The following CFAP251 variants were observed in gnomAD, a reference collection of about 807,000 sequenced individuals.
CFAP251 encodes cilia- and flagella-associated protein 251.
In CFAP251, 93 loss-of-function variants were observed where a neutral mutation model predicts 126.7. The observed-to-expected ratio is 0.73, with a 90% CI of 0.62 to 0.87. CFAP251 has a LOEUF of 0.87. CFAP251 is among the 40% of genes least tolerant of loss of function. The probability of loss-of-function intolerance (pLI) is 0.00; values close to 1 mark genes in which losing one functional copy is unlikely to be tolerated. For missense variants in CFAP251, 1,287 were observed against 1,389.2 expected, an observed-to-expected ratio of 0.93 and a Z score of 1.17; for synonymous variants, 503 against 506.9, an observed-to-expected ratio of 0.99 and a Z score of 0.10.
rs1357200983 is a variant in CFAP251 at position 121,921,310 on chromosome 12, C to T, written c.5C>T (p.Ser2Leu). Residue 2 changes from serine (S) to leucine (L), a missense_variant, in exon 2 of 22, where the codon TCA (serine) becomes TTA (leucine). Transcript: ENST00000288912. ...GAGGAAACTCTACAGAGAAGAATGTCAGATGCAGCAGAAGCTCCCCGAGAA... is the reference window on the plus strand; with the variant it reads ...GAGGAAACTCTACAGAGAAGAATGTTAGATGCAGCAGAAGCTCCCCGAGAA... M[S>L]DAAEAPREAT... 6.3e-7 allele frequency: 1 copy of T among 1,582,924 alleles called. No individual in the cohort carries two copies. The highest frequency in any genetic ancestry group is 8.5e-7 in the Non-Finnish European group (1 of 1,169,610).
At chr12:121,957,520 T>C (rs771970625) in intron 11 of CFAP251, among the ~76,000 whole-genome samples, 16 of 151,832 alleles carry the variant, frequency 1.1e-4, no homozygotes, top group East Asian at 3.9e-4. Context: ...CTGGCTAACA[T>C]GGTGAAACCC....
chr12:121,969,651 A>T, intron 17 of CFAP251: 1 of 806,282 alleles, frequency 1.2e-6, no homozygotes, highest in Non-Finnish European at 1.5e-6. Context: ...GTGCCTGGCT[A>T]ACTTTAAAAA....
chr12:121,968,254 G>C, intron 17 of CFAP251, 85 bp downstream of exon 17: 1 of 1,371,752 alleles, frequency 7.3e-7, no homozygotes, highest in Non-Finnish European at 9.9e-7. Flanking sequence ...CCTACTGCGT[G>C]CCAGGCACTG....
chr12:121,948,946 A>T (rs1180895149), intron 7 of CFAP251, 38 bp from the exon 8 acceptor site: 4 of 1,276,878 alleles, frequency 3.1e-6, no homozygotes, highest in Non-Finnish European at 4.4e-6. Flanking sequence ...AGAAACAGAA[A>T]ATTTATCATT....
intron 14 of CFAP251, 48 bp downstream of exon 14, chr12:121,960,806 C>G (rs762680556): frequency 1.9e-6 from 3 of 1,594,686 alleles, no homozygotes; most frequent in Non-Finnish European, 2.6e-6. Context: ...CTGTGTCTCA[C>G]TCTTGTGACA....
At chr12:121,929,319 CAAAAAAA>C (rs907807088) in intron 3 of CFAP251, among the ~76,000 whole-genome samples, 4 of 68,950 alleles carry the variant, frequency 5.8e-5, no homozygotes, top group African/African-American at 1.7e-4. Flanking sequence ...GACTCCATCT[CAAAAAAA>C]AAAAAAAAGA....
intron 9 of CFAP251, chr12:121,953,870 C>G: frequency 2.2e-6 from 1 of 455,044 alleles, no homozygotes; most frequent in Non-Finnish European, 3.9e-6. Context: ...ATTAACCACT[C>G]TCTCGTTTGC....
rs1207683048 is a variant in CFAP251, at chr12:121,962,014, C to T, written c.2344C>T (p.Leu782=). 1 of 1,613,850 alleles carries T rather than the reference C, an allele frequency of 6.2e-7. No individual in the cohort carries two copies. Among genetic ancestry groups the T allele is most frequent in the Non-Finnish European group, 8.5e-7 (1 of 1,180,024 alleles). ...YDLLRSYKDH[L]EVLDIHHTDQ... is the part of the protein sequence containing the mutation. ...TCTTCTCAGGAGCTACAAAGACCAC[C>T]TGGAAGTCCTGGACATTCACCACAC... Residue 782 remains leucine (L), a synonymous_variant, in exon 15 of 22, where the codon CTG becomes TTG. Coordinates refer to ENST00000288912, the MANE Select transcript of CFAP251 (RefSeq NM_144668.6).
At chr12:121,943,167 C>T (rs1463557674) in intron 7 of CFAP251, among the ~76,000 whole-genome samples, 192 bp downstream of exon 7, 3 of 151,920 alleles carry the variant, frequency 2.0e-5, no homozygotes, top group Non-Finnish European at 4.4e-5. Context: ...ACAAAAATTC[C>T]CTGGGTGTGG....
chr12:121,919,454 C>T (rs1337610985), intron 1 of CFAP251, among the ~76,000 whole-genome samples: 1 of 152,122 alleles, frequency 6.6e-6, no homozygotes, highest in Non-Finnish European at 1.5e-5. Context: ...GCTTTTCTCT[C>T]AAATAATAAC....
chr12:121,951,588 T>C, intron 9 of CFAP251, 58 bp downstream of exon 9: 1 of 1,320,118 alleles, frequency 7.6e-7, no homozygotes, highest in Non-Finnish European at 1.1e-6. Context: ...AATATTTATG[T>C]GCAAGCTTAG....
intron 3 of CFAP251, among the ~76,000 whole-genome samples, chr12:121,924,426 CTTTTTTTTTT>C (rs59759704): frequency 9.9e-4 from 89 of 90,254 alleles, no homozygotes; most frequent in Non-Finnish European, 1.2e-3. Context: ...AGACTTGTGT[CTTTTTTTTTT>C]TTTTTTTTTT....
At chr12:121,979,075 C>T (rs1882551449) in intron 19 of CFAP251, among the ~76,000 whole-genome samples, 1 of 152,144 alleles carries the variant, frequency 6.6e-6, no homozygotes. Flanking sequence ...CCAGTCCCTG[C>T]TCTCGGCTTC....
At chr12:121,939,435 G>A (rs1203573895) in intron 5 of CFAP251, among the ~76,000 whole-genome samples, 1 of 152,094 alleles carries the variant, frequency 6.6e-6, no homozygotes, top group Non-Finnish European at 1.5e-5. Context: ...GCAGTCGGCC[G>A]GCAGAAGGGT....
rs776828759 is a variant in CFAP251 at position 121,968,124 on chromosome 12, C to A, written c.2726C>A (p.Ala909Glu). Reference sequence around the variant, plus strand: ...TATGATGGCTGCTACGCCTTCACTGCGGGAGGGCACGATCGCTCGGTGGTG... The same window carrying A: ...TATGATGGCTGCTACGCCTTCACTGAGGGAGGGCACGATCGCTCGGTGGTG... Reference protein sequence around the residue: ...VSYDGCYAFTAGGHDRSVVQW... With the variant: ...VSYDGCYAFTEGGHDRSVVQW... The change falls in exon 17 of 22, where the codon GCG becomes GAG. Residue 909 changes from alanine to glutamate, a missense_variant. Transcript: ENST00000288912. The A allele has an allele frequency of 1.9e-6, 3 of 1,612,796 alleles. No individual in the cohort carries two copies. The highest frequency in any genetic ancestry group is 2.5e-6 in the Non-Finnish European group (3 of 1,179,014).
chr12:121,938,041 A>G (rs991942936), intron 5 of CFAP251, among the ~76,000 whole-genome samples: 3 of 151,810 alleles, frequency 2.0e-5, no homozygotes, highest in Non-Finnish European at 4.4e-5. Context: ...GTCTCACTCT[A>G]TCACCCAGGC....
At position 121,931,834 on chromosome 12, in the gene CFAP251, C is replaced by T; in HGVS notation, c.836C>T (p.Ala279Val). 6.2e-7 allele frequency: 1 copy of T among 1,605,608 alleles called. No individual in the cohort carries two copies. Among genetic ancestry groups the T allele is most frequent in the Non-Finnish European group, 8.5e-7 (1 of 1,176,608 alleles). The change falls in exon 4 of 22, where the codon GCT (alanine) becomes GTT (valine). Residue 279 changes from alanine to valine, a missense_variant. Transcript: ENST00000288912. ...CAGAGAGTTCTTCTGTATGTTTGTG[C>T]TCACACTGCGATCATCTACAACGTG... ...ERQRVLLYVC[A>V]HTAIIYNVFR... is the part of the protein sequence containing the mutation.
intron 19 of CFAP251, among the ~76,000 whole-genome samples, chr12:121,988,495 G>C (rs1882803459): frequency 6.6e-6 from 1 of 152,184 alleles, no homozygotes; most frequent in Non-Finnish European, 1.5e-5. Context: ...TTTGGGTCCA[G>C]CTTCTTTCAC....
At chr12:121,919,919 C>A (rs1056308795) in intron 1 of CFAP251, among the ~76,000 whole-genome samples, 1 of 152,134 alleles carries the variant, frequency 6.6e-6, no homozygotes. Context: ...TGATGGCTCA[C>A]GCCTGTAATC....
Sources: gnomAD v4.1 joint callset for allele counts (sites outside exome capture counted in the v4.1 genomes callset) on GRCh38, gnomAD v4.1.1 for gene constraint, MANE v1.5 for transcripts, NCBI Gene and HGNC (gene_info 2026-07-23, HGNC 2026-07-21) for gene names.